The following PLD5 variants were observed in gnomAD, a reference collection of about 807,000 sequenced individuals.
The protein encoded by PLD5 is phospholipase D family member 5, also known as inactive phospholipase D5.
PLD5 carries 36 observed loss-of-function variants against 61.1 expected under a neutral mutation model. That is an observed-to-expected ratio of 0.59 (90% CI 0.45 to 0.78). The LOEUF (loss-of-function observed/expected upper bound fraction) is 0.78, where lower values mean the gene tolerates loss of function less well. Among genes scored for constraint, PLD5 ranks in the 30% least tolerant of loss-of-function variants. The probability of loss-of-function intolerance (pLI) is 0.00; values close to 1 mark genes in which losing one functional copy is unlikely to be tolerated. For missense variants in PLD5, 515 were observed against 644.4 expected, an observed-to-expected ratio of 0.80 and a Z score of 2.17; for synonymous variants, 243 against 242.8, an observed-to-expected ratio of 1.00 and a Z score of -0.01.
intron 5 of PLD5, among the ~76,000 whole-genome samples, chr1:242,177,293 T>C (rs528440132): frequency 1.3e-5 from 2 of 152,234 alleles, no homozygotes; most frequent in African/African-American, 4.8e-5. Flanking sequence ...GAAACCACCA[T>C]TCTCATCAAA....
intron 1 of PLD5, among the ~76,000 whole-genome samples, chr1:242,371,357 C>A (rs917064433): frequency 1.3e-5 from 2 of 152,076 alleles, no homozygotes; most frequent in Non-Finnish European, 2.9e-5. Context: ...TCCTTCTCTG[C>A]TTGGGTGCTA....
At chr1:242,521,939 G>A (rs185481137) in intron 1 of PLD5, among the ~76,000 whole-genome samples, 9 of 151,540 alleles carry the variant, frequency 5.9e-5, no homozygotes, top group South Asian at 4.2e-4. Context: ...TCAACATGAC[G>A]TATATTATAA....
intron 1 of PLD5, among the ~76,000 whole-genome samples, chr1:242,422,063 T>C (rs2149300002): frequency 6.6e-6 from 1 of 152,372 alleles, no homozygotes; most frequent in Non-Finnish European, 1.5e-5. Context: ...TCTTCATTTT[T>C]TCAATCTGCT....
intron 1 of PLD5, among the ~76,000 whole-genome samples, chr1:242,458,751 C>T (rs1324856901): frequency 6.6e-6 from 1 of 152,178 alleles, no homozygotes; most frequent in Non-Finnish European, 1.5e-5. Context: ...TACTTGTATA[C>T]TTGTATTGAC....
intron 5 of PLD5, among the ~76,000 whole-genome samples, chr1:242,159,553 G>C (rs1665660852): frequency 6.6e-6 from 1 of 152,050 alleles, no homozygotes; most frequent in Non-Finnish European, 1.5e-5. Context: ...TCTCCGAGGT[G>C]GGGTACGGTT....
At chr1:242,402,437 G>A (rs1329662084) in intron 1 of PLD5, among the ~76,000 whole-genome samples, 1 of 152,106 alleles carries the variant, frequency 6.6e-6, no homozygotes, top group Non-Finnish European at 1.5e-5. Flanking sequence ...AGATGTCAAG[G>A]TAGCTCTATC....
chr1:242,347,441 C>T (rs1237118750), intron 2 of PLD5, among the ~76,000 whole-genome samples: 1 of 152,148 alleles, frequency 6.6e-6, no homozygotes, highest in Non-Finnish European at 1.5e-5. Flanking sequence ...TCTTCACCCT[C>T]CCCGAACCTG....
At chr1:242,358,960 C>T (rs192277298) in intron 1 of PLD5, among the ~76,000 whole-genome samples, 152 of 152,140 alleles carry the variant, frequency 1.0e-3, no homozygotes, top group African/African-American at 3.6e-3. Context: ...GAGGAGCTCC[C>T]AGGGGTAGGG....
At chr1:242,155,437 A>T (rs1196632414) in intron 5 of PLD5, among the ~76,000 whole-genome samples, 2 of 151,824 alleles carry the variant, frequency 1.3e-5, no homozygotes, top group African/African-American at 2.4e-5. Flanking sequence ...TTTAATTGTG[A>T]TGTTAGGGTG....
At chr1:242,429,422 C>CT (rs549567170) in intron 1 of PLD5, among the ~76,000 whole-genome samples, 127 of 152,108 alleles carry the variant, frequency 8.3e-4, no homozygotes, top group Admixed American at 1.1e-3. Flanking sequence ...ATTTTTAATA[C>CT]TTTTTTTAGA....
chr1:242,362,748 T>G (rs527958043), intron 1 of PLD5, among the ~76,000 whole-genome samples: 55 of 152,272 alleles, frequency 3.6e-4, no homozygotes, highest in African/African-American at 1.2e-3. Flanking sequence ...TCACTTCACT[T>G]CCTACATATA....
At chr1:242,094,888 G>T (rs992324492) in intron 9 of PLD5, among the ~76,000 whole-genome samples, 2 of 151,852 alleles carry the variant, frequency 1.3e-5, no homozygotes, top group African/African-American at 4.8e-5. Flanking sequence ...TGTCAGTGCT[G>T]GAATTCAAAT....
intron 2 of PLD5, among the ~76,000 whole-genome samples, chr1:242,297,138 G>T (rs1429435078): frequency 6.6e-6 from 1 of 152,062 alleles, no homozygotes; most frequent in East Asian, 1.9e-4. Context: ...GAGGTCAAGA[G>T]ATCGAGACCA....
At chr1:242,397,968 AAG>A (rs1350228475) in intron 1 of PLD5, among the ~76,000 whole-genome samples, 1 of 152,160 alleles carries the variant, frequency 6.6e-6, no homozygotes, top group Non-Finnish European at 1.5e-5. Flanking sequence ...AGAAACATGA[AAG>A]AAAAAAGTCC....
chr1:242,492,454 A>T (rs1173542207), intron 1 of PLD5, among the ~76,000 whole-genome samples: 1 of 149,570 alleles, frequency 6.7e-6, no homozygotes, highest in African/African-American at 2.5e-5. Flanking sequence ...CCCGGGAGGC[A>T]GAGGTTTCAG....
intron 2 of PLD5, among the ~76,000 whole-genome samples, chr1:242,304,272 G>T (rs537926325): frequency 6.6e-6 from 1 of 152,174 alleles, no homozygotes; most frequent in African/African-American, 2.4e-5. Flanking sequence ...AAGTTTTCTC[G>T]TGAGTGCACA....
At chr1:242,190,412 C>T (rs960206481) in intron 5 of PLD5, among the ~76,000 whole-genome samples, 5 of 151,916 alleles carry the variant, frequency 3.3e-5, no homozygotes, top group Non-Finnish European at 7.4e-5. Flanking sequence ...TCCCAAAGTG[C>T]TGGGATTACA....
intron 7 of PLD5, among the ~76,000 whole-genome samples, chr1:242,112,122 C>T (rs1260497433): frequency 1.3e-5 from 2 of 152,052 alleles, no homozygotes. Flanking sequence ...GAAAATCAGG[C>T]AAAACCCCTA....
chr1:242,413,801 C>T (rs1037891200), intron 1 of PLD5, among the ~76,000 whole-genome samples: 2 of 152,120 alleles, frequency 1.3e-5, no homozygotes, highest in Non-Finnish European at 2.9e-5. Context: ...CAATCTGAAG[C>T]AGTTTGGAGC....
Sources: gnomAD v4.1 joint callset for allele counts (sites outside exome capture counted in the v4.1 genomes callset) on GRCh38, gnomAD v4.1.1 for gene constraint, MANE v1.5 for transcripts, NCBI Gene and HGNC (gene_info 2026-07-23, HGNC 2026-07-21) for gene names.